PDSS1: variants seen among roughly 807,000 people sequenced by gnomAD.
The protein encoded by PDSS1 is decaprenyl diphosphate synthase subunit 1.
In PDSS1, 43 loss-of-function variants were observed where a neutral mutation model predicts 57.5. The observed-to-expected ratio is 0.75, with a 90% CI of 0.59 to 0.96. PDSS1 has a LOEUF of 0.96. Ranked by LOEUF, PDSS1 falls within the 50% of genes least tolerant of loss-of-function variation. The probability of loss-of-function intolerance (pLI) is 0.00; values close to 1 mark genes in which losing one functional copy is unlikely to be tolerated. For synonymous variants in PDSS1, 175 were observed against 191.3 expected (o/e 0.91, Z 0.70); for missense variants, 438 against 527.8 (o/e 0.83, Z 1.67).
Position 26,720,360 on chromosome 10 carries a change from G to A in PDSS1, c.609+1G>A. The A allele has an allele frequency of 6.2e-7, 1 of 1,606,850 alleles. No homozygotes were observed. ...TAATAAGATCTGGGGTGAAAAGAAG[G>A]TATGGTTTTTTGGTTTTTTTAAAAT... On this transcript the variant is annotated splice_donor_variant, in intron 6 of 11. Transcript: ENST00000376215. LOFTEE classifies it high-confidence loss of function.
chr10:26,717,578 T>C (rs1486696604), intron 5 of PDSS1: 1 of 152,220 alleles, frequency 6.6e-6, no homozygotes, highest in Non-Finnish European at 1.5e-5. Flanking sequence ...AATTTCAAAA[T>C]ATTTTAAGAA....
At chr10:26,709,455 C>T (rs369286509) in intron 4 of PDSS1, among the ~76,000 whole-genome samples, 183 bp from the exon 5 acceptor site, 14 of 151,724 alleles carry the variant, frequency 9.2e-5, no homozygotes, top group Middle Eastern at 3.4e-3. Flanking sequence ...CAGCTGCTTG[C>T]GGGGCTGAGG....
intron 8 of PDSS1, chr10:26,734,650 A>G (rs761470801): frequency 2.2e-6 from 1 of 456,248 alleles, no homozygotes; most frequent in East Asian, 6.9e-5. Context: ...TGAAAGAGCG[A>G]TATCTGTGTC....
At chr10:26,724,183 T>C in intron 8 of PDSS1, 60 bp downstream of exon 8, 3 of 1,170,220 alleles carry the variant, frequency 2.6e-6, no homozygotes, top group South Asian at 2.5e-5. Flanking sequence ...GGGAGCTAAT[T>C]TTCCTAGAAA....
At chr10:26,707,838 T>A (rs1451692409) in intron 4 of PDSS1, among the ~76,000 whole-genome samples, 1 of 152,240 alleles carries the variant, frequency 6.6e-6, no homozygotes, top group Non-Finnish European at 1.5e-5. Flanking sequence ...GAGACTCTAC[T>A]TTTCCCCCAC....
intron 10 of PDSS1, chr10:26,740,804 G>A (rs915144871): frequency 1.3e-5 from 5 of 392,224 alleles, no homozygotes; most frequent in East Asian, 7.3e-5. Flanking sequence ...GAAGTCACTC[G>A]GCTGTGGCAG....
In PDSS1 at chr10:26,700,654, C is replaced by A. The variant is rs147938303; in HGVS notation, c.130-1508C>A. Among the ~76,000 whole-genome samples the A allele has an allele frequency of 5.1e-3, 782 of 152,146 alleles. 3 individuals carry two copies. The highest frequency in any genetic ancestry group is 0.012 in the Admixed American group (179 of 15,266). On this transcript the variant is annotated intron_variant, in intron 1 of 11. Transcript: ENST00000376215. ...CCTGTGTTCATTCTGTCTCCTGCCG[C>A]CTTGTGAAGAAGGTGCTTGTTTCTC...
intron 8 of PDSS1, among the ~76,000 whole-genome samples, chr10:26,728,319 G>A (rs1836034822): frequency 6.6e-6 from 1 of 152,104 alleles, no homozygotes; most frequent in South Asian, 2.1e-4. Flanking sequence ...GTGAAACCAT[G>A]TCTCTACTAA....
intron 5 of PDSS1, chr10:26,714,713 A>C (rs904387529): frequency 3.9e-5 from 6 of 152,220 alleles, no homozygotes; most frequent in Admixed American, 1.3e-4. Flanking sequence ...TCAGGATAAC[A>C]GACTACCCAA....
At chr10:26,706,815 C>G (rs1472528328) in intron 4 of PDSS1, among the ~76,000 whole-genome samples, 1 of 152,124 alleles carries the variant, frequency 6.6e-6, no homozygotes, top group African/African-American at 2.4e-5. Context: ...TTACCAGCAG[C>G]AAATTTGTAC....
intron 5 of PDSS1, among the ~76,000 whole-genome samples, chr10:26,710,063 A>T (rs796797428): frequency 9.3e-5 from 14 of 151,194 alleles, no homozygotes; most frequent in African/African-American, 3.4e-4. Context: ...CTGAGGCAGG[A>T]GAATCGTTTG....
At chr10:26,734,911 C>CAAGAAGGTTTACTTAGCATGTT (rs1836339521) in intron 8 of PDSS1, among the ~76,000 whole-genome samples, 1 of 152,172 alleles carries the variant, frequency 6.6e-6, no homozygotes, top group Admixed American at 6.5e-5. Context: ...TTTTGCATGT[C>CAAGAAGGTTTACTTAGCATGTT]AAGAAGGTTT....
In PDSS1 at chr10:26,709,619, C is replaced by T; in HGVS notation, c.337-19C>T. 10 of 1,612,378 alleles carry T rather than the reference C, an allele frequency of 6.2e-6. No homozygotes were observed. Among genetic ancestry groups the T allele is most frequent in the Non-Finnish European group, 7.6e-6 (9 of 1,178,820 alleles). On this transcript the variant is annotated intron_variant, in intron 4 of 11. Transcript: ENST00000376215. ...GCAGTTTTTTGATGCCATTGTGACA[C>T]AGAGAAACTTTATTTCAGGAACTGC...
At chr10:26,700,176 A>T (rs369532594) in intron 1 of PDSS1, among the ~76,000 whole-genome samples, 3 of 145,378 alleles carry the variant, frequency 2.1e-5, no homozygotes, top group Non-Finnish European at 3.1e-5. Context: ...TTTTTTTTTT[A>T]ATTTATTTTT....
chr10:26,729,855 CACAAA>C (rs1836103805), intron 8 of PDSS1, among the ~76,000 whole-genome samples: 1 of 148,240 alleles, frequency 6.7e-6, no homozygotes, highest in Non-Finnish European at 1.5e-5. Context: ...TCTGATTTTT[CACAAA>C]ACAAATTTGC....
At chr10:26,701,237 T>C (rs1414905063) in intron 1 of PDSS1, among the ~76,000 whole-genome samples, 6 of 152,350 alleles carry the variant, frequency 3.9e-5, no homozygotes, top group African/African-American at 1.4e-4. Context: ...AGCCTGAAGA[T>C]GTGATAGAAA....
At chr10:26,738,937 C>T (rs925524296) in intron 10 of PDSS1, among the ~76,000 whole-genome samples, 2 of 152,122 alleles carry the variant, frequency 1.3e-5, no homozygotes, top group Non-Finnish European at 2.9e-5. Flanking sequence ...GAATAAAAAC[C>T]TCATGTTAAT....
intron 2 of PDSS1, among the ~76,000 whole-genome samples, chr10:26,704,276 C>T (rs1219759965): frequency 1.3e-5 from 2 of 151,928 alleles, no homozygotes; most frequent in African/African-American, 2.4e-5. Flanking sequence ...TTGAGGAACA[C>T]GAACTTAAAA....
In PDSS1 at chr10:26,712,150, C is replaced by T. The variant is rs565133696; in HGVS notation, c.467+2382C>T. 1.2e-4 allele frequency among the ~76,000 whole-genome samples: 12 copies of T among 96,008 alleles called. 6 individuals carry two copies. In the East Asian group the frequency reaches 2.6e-3, roughly 21 times the overall value. The allele number at this position is 96,008 out of a possible 152,430, so 63.0% of individuals were successfully genotyped here. A position where few individuals can be genotyped will look rare whatever the true frequency, so the allele number is the denominator to read the frequency against. ...CCAAGTAGCTGGGATTACAGATGCACGCTACCACGCCCAGCCAATTTTGTG... is the reference window on the plus strand; with the variant it reads ...CCAAGTAGCTGGGATTACAGATGCATGCTACCACGCCCAGCCAATTTTGTG... On this transcript the variant is annotated intron_variant, in intron 5 of 11. Coordinates refer to ENST00000376215, the MANE Select transcript of PDSS1 (RefSeq NM_014317.5).
Sources: allele counts gnomAD v4.1 joint callset (sites outside exome capture counted in the v4.1 genomes callset), GRCh38; gene constraint gnomAD v4.1.1; transcripts MANE v1.5; gene names NCBI Gene and HGNC (gene_info 2026-07-23, HGNC 2026-07-21).